The following FARS2 variants were observed in gnomAD, a reference collection of about 807,000 sequenced individuals.
FARS2 encodes the protein phenylalanyl-tRNA synthetase 2, mitochondrial, also known as phenylalanine--tRNA ligase, mitochondrial.
A neutral mutation model predicts 46.4 loss-of-function variants in FARS2; 40 were observed. That is an observed-to-expected ratio of 0.86 (90% CI 0.67 to 1.12). The LOEUF (loss-of-function observed/expected upper bound fraction) is 1.12, where lower values mean the gene tolerates loss of function less well. Ranked by LOEUF, FARS2 falls within the 50% of genes most tolerant of loss-of-function variation. FARS2 has a pLI of 0.00. For missense variants in FARS2, 513 were observed against 567.9 expected, an observed-to-expected ratio of 0.90 and a Z score of 0.98; for synonymous variants, 234 against 214.9, an observed-to-expected ratio of 1.09 and a Z score of -0.78.
intron 6 of FARS2, among the ~76,000 whole-genome samples, chr6:5,747,836 T>A (rs551039726): frequency 3.9e-5 from 6 of 152,352 alleles, no homozygotes; most frequent in African/African-American, 1.4e-4. Context: ...TATTTTGAGT[T>A]GTCAACCCAT....
intron 1 of FARS2, among the ~76,000 whole-genome samples, chr6:5,305,865 T>C (rs987748166): frequency 1.3e-5 from 2 of 152,220 alleles, no homozygotes; most frequent in African/African-American, 4.8e-5. Flanking sequence ...CTTGAGGCAG[T>C]AGTCAGATGG....
rs17276278 is a variant in FARS2, at chr6:5,590,133, T to G, written c.1066-23036T>G. ...GACATACTCTAAGTGCTCAGTAATG[T>G]TAGATAATGTATTTAAAGTTGGTGG... is the stretch of plus-strand genomic sequence containing the variant. On this transcript the variant is annotated intron_variant, in intron 5 of 6. Transcript: ENST00000274680. 8.2e-3 allele frequency among the ~76,000 whole-genome samples: 1,249 copies of G among 152,292 alleles called. 9 individuals carry two copies. Among genetic ancestry groups the G allele is most frequent in the South Asian group, 0.016 (75 of 4,824 alleles).
intron 1 of FARS2, among the ~76,000 whole-genome samples, chr6:5,262,428 G>T (rs983519873): frequency 1.3e-5 from 2 of 151,980 alleles, no homozygotes; most frequent in East Asian, 3.9e-4. Context: ...ACAGGCGCGC[G>T]CTACCTCGCC....
intron 6 of FARS2, among the ~76,000 whole-genome samples, chr6:5,703,577 G>A (rs903791934): frequency 2.0e-5 from 3 of 152,132 alleles, no homozygotes; most frequent in Non-Finnish European, 4.4e-5. Context: ...GTCTAAATTT[G>A]ATTTCATCTA....
chr6:5,736,797 C>CT (rs140613741), intron 6 of FARS2, among the ~76,000 whole-genome samples: 7,995 of 152,040 alleles, frequency 0.053, 696 homozygotes, highest in African/African-American at 0.18. Flanking sequence ...TAGAATACCC[C>CT]TTTTTTAATC....
At chr6:5,653,400 T>G (rs1445460128) in intron 6 of FARS2, among the ~76,000 whole-genome samples, 2 of 152,236 alleles carry the variant, frequency 1.3e-5, no homozygotes, top group African/African-American at 4.8e-5. Flanking sequence ...AAAAATGTTT[T>G]ACCAATTCAG....
At chr6:5,528,148 G>A (rs1264991246) in intron 4 of FARS2, among the ~76,000 whole-genome samples, 1 of 151,832 alleles carries the variant, frequency 6.6e-6, no homozygotes, top group Admixed American at 6.6e-5. Flanking sequence ...TCGTATGTTT[G>A]TGTTTACTTT....
intron 2 of FARS2, among the ~76,000 whole-genome samples, chr6:5,397,344 A>G (rs1760969237): frequency 6.6e-6 from 1 of 152,166 alleles, no homozygotes; most frequent in Non-Finnish European, 1.5e-5. Context: ...GGGCACTGAA[A>G]ACACTGTGTG....
chr6:5,698,672 A>C (rs1301662881), intron 6 of FARS2, among the ~76,000 whole-genome samples: 1 of 152,192 alleles, frequency 6.6e-6, no homozygotes, highest in African/African-American at 2.4e-5. Flanking sequence ...ACCAGGCCTC[A>C]TATCACCTCT....
chr6:5,682,822 G>C (rs1779102339), intron 6 of FARS2, among the ~76,000 whole-genome samples: 1 of 152,234 alleles, frequency 6.6e-6, no homozygotes, highest in African/African-American at 2.4e-5. Context: ...GACACCCGCA[G>C]TGAAGAAAAG....
At chr6:5,513,859 T>C (rs1768608584) in intron 4 of FARS2, among the ~76,000 whole-genome samples, 1 of 152,140 alleles carries the variant, frequency 6.6e-6, no homozygotes, top group Non-Finnish European at 1.5e-5. Context: ...GAAGGCTTTC[T>C]GTACCATTAC....
chr6:5,549,447 T>G (rs892372632), intron 5 of FARS2, among the ~76,000 whole-genome samples: 5 of 152,210 alleles, frequency 3.3e-5, no homozygotes, highest in Non-Finnish European at 7.3e-5. Flanking sequence ...TTTTCTGTCC[T>G]TGTGAACTGT....
intron 6 of FARS2, among the ~76,000 whole-genome samples, chr6:5,680,378 G>C (rs978104669): frequency 2.0e-5 from 3 of 152,168 alleles, no homozygotes; most frequent in Non-Finnish European, 4.4e-5. Flanking sequence ...GCTGTCACCT[G>C]CCATTGTTTA....
chr6:5,760,651 C>A (rs1008052342), intron 6 of FARS2, among the ~76,000 whole-genome samples: 6 of 152,242 alleles, frequency 3.9e-5, no homozygotes, highest in Non-Finnish European at 5.9e-5. Flanking sequence ...CATCCCAGCC[C>A]ATTTCTGTAC....
intron 4 of FARS2, among the ~76,000 whole-genome samples, chr6:5,536,050 C>G (rs1192817926): frequency 7.5e-6 from 1 of 133,736 alleles, no homozygotes; most frequent in Non-Finnish European, 1.6e-5. Flanking sequence ...TTTAATTTAT[C>G]TTTTTTTTTT....
rs114702108 is a variant in FARS2, at chr6:5,643,608, T to C, written c.1217+30288T>C. ...CCCTTATATACAAAGATAAGGCAACTGGCTGGCTCTCACTGAAGTATGAGG... is the reference window on the plus strand; with the variant it reads ...CCCTTATATACAAAGATAAGGCAACCGGCTGGCTCTCACTGAAGTATGAGG... On this transcript the variant is annotated intron_variant, in intron 6 of 6. Coordinates refer to ENST00000274680, the MANE Select transcript of FARS2 (RefSeq NM_006567.5). Among the ~76,000 whole-genome samples, 418 of 152,282 alleles carry C rather than the reference T, an allele frequency of 2.7e-3. 2 individuals carry two copies. The highest frequency in any genetic ancestry group is 9.7e-3 in the African/African-American group (405 of 41,550).
At chr6:5,288,891 T>C (rs1252234740) in intron 1 of FARS2, among the ~76,000 whole-genome samples, 2 of 152,146 alleles carry the variant, frequency 1.3e-5, no homozygotes, top group Non-Finnish European at 2.9e-5. Flanking sequence ...ATCATGAAAA[T>C]GTTGCAAATT....
intron 6 of FARS2, among the ~76,000 whole-genome samples, chr6:5,647,719 G>A (rs1777147783): frequency 6.6e-6 from 1 of 152,172 alleles, no homozygotes; most frequent in Admixed American, 6.5e-5. Context: ...CGTGGTGATG[G>A]GGAAAGGACT....
intron 4 of FARS2, among the ~76,000 whole-genome samples, chr6:5,520,312 A>T (rs750008968): frequency 1.3e-5 from 2 of 152,248 alleles, no homozygotes; most frequent in Admixed American, 6.5e-5. Context: ...ACAACTTCCC[A>T]CTGGAGTCTC....
Sources: gnomAD v4.1 joint callset for allele counts (sites outside exome capture counted in the v4.1 genomes callset) on GRCh38, gnomAD v4.1.1 for gene constraint, MANE v1.5 for transcripts, NCBI Gene and HGNC (gene_info 2026-07-23, HGNC 2026-07-21) for gene names.